Variants in TMPRSS4 observed in about 807,000 individuals in gnomAD.
TMPRSS4 encodes the protein transmembrane protease serine 4.
In TMPRSS4, 45 loss-of-function variants were observed where a neutral mutation model predicts 56.4. That is an observed-to-expected ratio of 0.80 (90% CI 0.63 to 1.02). The LOEUF is 1.02. Among genes scored for constraint, TMPRSS4 ranks in the 50% least tolerant of loss-of-function variants. The pLI, the probability that TMPRSS4 is intolerant of heterozygous loss-of-function variation, is 0.00. For missense variants in TMPRSS4, 546 were observed against 556.7 expected (o/e 0.98, Z 0.19); for synonymous variants, 205 against 211.0 (o/e 0.97, Z 0.25).
Position 118,118,574 on chromosome 11 carries a change from A to G in TMPRSS4, c.*661A>G, listed in dbSNP as rs917219839. On this transcript the variant is annotated 3_prime_UTR_variant, in exon 13 of 13. Transcript: ENST00000437212. Reference sequence around the variant, plus strand: ...TTGAGTCTCAAAGTAGAGGCAGGGGAAAAAAGAGTTAGGGAGACCAGATCT... The same window carrying G: ...TTGAGTCTCAAAGTAGAGGCAGGGGGAAAAAGAGTTAGGGAGACCAGATCT... The G allele has an allele frequency of 2.6e-5, 26 of 985,444 alleles. No homozygotes were observed. Among genetic ancestry groups the G allele is most frequent in the Non-Finnish European group, 3.1e-5 (26 of 829,982 alleles). 61.0% of individuals were successfully genotyped at this position (985,444 alleles called of 1,614,324 possible).
At chr11:118,114,742 C>T in intron 9 of TMPRSS4, 87 bp from the exon 10 acceptor site, 5 of 1,349,710 alleles carry the variant, frequency 3.7e-6, no homozygotes, top group Non-Finnish European at 5.2e-6. Flanking sequence ...CCAGCAAGAT[C>T]CCCATAATCA....
chr11:118,083,065 C>A (rs150964399), intron 1 of TMPRSS4, among the ~76,000 whole-genome samples: 1 of 152,172 alleles, frequency 6.6e-6, no homozygotes, highest in East Asian at 1.9e-4. Context: ...TCTGCTGCGC[C>A]GCTGCGGGGC....
chr11:118,096,909 A>AG (rs1565422589), intron 2 of TMPRSS4, among the ~76,000 whole-genome samples: 5 of 16,082 alleles, frequency 3.1e-4, no homozygotes, highest in African/African-American at 1.1e-3. Context: ...GAAAGAAAGA[A>AG]AGGGAGAGAG....
At chr11:118,091,431 C>T (rs1450971711) in intron 1 of TMPRSS4, among the ~76,000 whole-genome samples, 1 of 152,178 alleles carries the variant, frequency 6.6e-6, no homozygotes, top group African/African-American at 2.4e-5. Context: ...GCTGTCTCCT[C>T]TCACCCTGGA....
intron 1 of TMPRSS4, among the ~76,000 whole-genome samples, chr11:118,081,096 T>C (rs1445956343): frequency 6.6e-6 from 1 of 152,222 alleles, no homozygotes; most frequent in Non-Finnish European, 1.5e-5. Flanking sequence ...AGGCACTTAG[T>C]AAATGTGAAT....
chr11:118,105,287 C>T (rs1565432319), intron 5 of TMPRSS4, among the ~76,000 whole-genome samples: 1 of 151,924 alleles, frequency 6.6e-6, no homozygotes, highest in South Asian at 2.1e-4. Flanking sequence ...GCAATCCCAG[C>T]TCTCTCTGCA....
In TMPRSS4 at chr11:118,119,899, T is replaced by C. The variant is rs1238908240; in HGVS notation, c.*1986T>C. 2 of 152,258 alleles carry C rather than the reference T, an allele frequency of 1.3e-5. No individual in the cohort carries two copies. Among genetic ancestry groups the C allele is most frequent in the African/African-American group, 4.8e-5 (2 of 41,460 alleles). The allele number at this position is 152,258 out of a possible 1,614,324, so 9.4% of individuals were successfully genotyped here. On this transcript the variant is annotated 3_prime_UTR_variant, in exon 13 of 13. Coordinates refer to ENST00000437212, the MANE Select transcript of TMPRSS4 (RefSeq NM_019894.4). ...CACAAGTTGCCATCTTCACCATTTT[T>C]AGGTGTATAGTTCAGTGGTGTTATG...
intron 3 of TMPRSS4, among the ~76,000 whole-genome samples, chr11:118,102,283 C>T (rs921718934): frequency 6.6e-6 from 1 of 152,136 alleles, no homozygotes; most frequent in African/African-American, 2.4e-5. Context: ...TTGATAGTTA[C>T]GAGACATTTT....
At chr11:118,111,511 A>C in intron 7 of TMPRSS4, among the ~76,000 whole-genome samples, 1 of 148,034 alleles carries the variant, frequency 6.8e-6, no homozygotes, top group East Asian at 2.3e-4. Context: ...TTAAACCAAA[A>C]TAAAAAAAAA....
chr11:118,117,543 T>A, intron 12 of TMPRSS4, 89 bp downstream of exon 12: 1 of 1,523,072 alleles, frequency 6.6e-7, no homozygotes. Flanking sequence ...ATTTAAATGG[T>A]TCTGACAACT....
chr11:118,112,003 A>G (rs1422322868), intron 8 of TMPRSS4, 103 bp downstream of exon 8: 21 of 1,467,066 alleles, frequency 1.4e-5, no homozygotes, highest in Middle Eastern at 1.8e-4. Context: ...TCACTCTCCC[A>G]CTAGAGACGT....
intron 3 of TMPRSS4, 174 bp downstream of exon 3, chr11:118,099,272 TC>T (rs1348281000): frequency 4.7e-6 from 2 of 428,778 alleles, no homozygotes; most frequent in African/African-American, 3.3e-5. Context: ...GCCCCGCCCC[TC>T]CCATTATCAC....
chr11:118,085,935 G>C (rs12281093), intron 1 of TMPRSS4, among the ~76,000 whole-genome samples: 2,608 of 152,306 alleles, frequency 0.017, 69 homozygotes, highest in African/African-American at 0.057. Flanking sequence ...AGAAAGGTGG[G>C]AGAGAATGGG....
chr11:118,113,745 G>C (rs1323256259), intron 9 of TMPRSS4, among the ~76,000 whole-genome samples: 1 of 152,038 alleles, frequency 6.6e-6, no homozygotes, highest in African/African-American at 2.4e-5. Flanking sequence ...AAAGATTATC[G>C]AGCTAATTCC....
chr11:118,104,905 C>G, intron 5 of TMPRSS4, 85 bp downstream of exon 5: 2 of 1,409,026 alleles, frequency 1.4e-6, no homozygotes, highest in Non-Finnish European at 1.9e-6. Flanking sequence ...TCTCTCTTTC[C>G]TAAAAATTAC....
intron 1 of TMPRSS4, among the ~76,000 whole-genome samples, chr11:118,093,817 T>TA: frequency 3.9e-5 from 1 of 25,638 alleles, no homozygotes; most frequent in East Asian, 1.0e-3. Context: ...AATAACTAAC[T>TA]GCCCCCCCCA....
At chr11:118,101,450 C>A (rs1285883804) in intron 3 of TMPRSS4, among the ~76,000 whole-genome samples, 2 of 152,010 alleles carry the variant, frequency 1.3e-5, no homozygotes, top group African/African-American at 4.8e-5. Flanking sequence ...TGTGGGTCTT[C>A]ACTAAGGAAA....
At chr11:118,092,178 G>T (rs1005263194) in intron 1 of TMPRSS4, among the ~76,000 whole-genome samples, 1 of 152,222 alleles carries the variant, frequency 6.6e-6, no homozygotes, top group Admixed American at 6.5e-5. Flanking sequence ...AAGTGCAGAG[G>T]ATGGTGTAAC....
chr11:118,081,537 A>C (rs1945136066), intron 1 of TMPRSS4, among the ~76,000 whole-genome samples: 1 of 152,194 alleles, frequency 6.6e-6, no homozygotes, highest in Non-Finnish European at 1.5e-5. Context: ...GAAACTCTCG[A>C]AGGGTAGCAG....
Sources: allele counts gnomAD v4.1 joint callset (sites outside exome capture counted in the v4.1 genomes callset), GRCh38; gene constraint gnomAD v4.1.1; transcripts MANE v1.5; gene names NCBI Gene and HGNC (gene_info 2026-07-23, HGNC 2026-07-21).